The following NELL1 variants were observed in gnomAD, a reference collection of about 807,000 sequenced individuals.
NELL1 encodes protein kinase C-binding protein NELL1.
In NELL1, 76 loss-of-function variants were observed where a neutral mutation model predicts 107.4. The observed-to-expected ratio is 0.71, with a 90% confidence interval of 0.59 to 0.86. NELL1 has a LOEUF of 0.86. NELL1 is among the 40% of genes least tolerant of loss of function. The pLI is 0.00. For synonymous variants in NELL1, 353 were observed against 341.2 expected (o/e 1.03, Z -0.38); for missense variants, 1,024 against 1,005.5 (o/e 1.02, Z -0.25).
In NELL1 at chr11:21,018,039, G is replaced by A. The variant is rs1268138614; in HGVS notation, c.1300+57479G>A. Among the ~76,000 whole-genome samples the A allele has an allele frequency of 2.6e-5, 4 of 152,046 alleles. No homozygotes were observed. In the East Asian group the frequency reaches 5.8e-4, roughly 22 times the overall value. ...GGAGAACTTTCTATCTTTCATCCAC[G>A]CCTCTGAGATCCTAGGCACAATTTG... On this transcript the variant is annotated intron_variant, in intron 12 of 19. Transcript: ENST00000357134.
chr11:20,768,357 G>A (rs1419363476), intron 2 of NELL1, among the ~76,000 whole-genome samples: 1 of 152,196 alleles, frequency 6.6e-6, no homozygotes, highest in Non-Finnish European at 1.5e-5. Context: ...AAGTTTAAAG[G>A]GCACAAGGAT....
chr11:20,925,235 A>G (rs1850467920), intron 7 of NELL1, among the ~76,000 whole-genome samples: 1 of 152,092 alleles, frequency 6.6e-6, no homozygotes, highest in African/African-American at 2.4e-5. Context: ...TAACTTAATT[A>G]TCATAGATTC....
chr11:21,183,206 T>C (rs1856865077), intron 13 of NELL1, among the ~76,000 whole-genome samples: 1 of 151,924 alleles, frequency 6.6e-6, no homozygotes, highest in Non-Finnish European at 1.5e-5. Flanking sequence ...CTTATACGTT[T>C]TTTATGAACA....
chr11:20,813,570 C>G (rs1307422385), intron 3 of NELL1, among the ~76,000 whole-genome samples: 4 of 152,176 alleles, frequency 2.6e-5, no homozygotes, highest in Non-Finnish European at 5.9e-5. Context: ...TAATTTATCT[C>G]TTTCTGAGTA....
intron 3 of NELL1, among the ~76,000 whole-genome samples, chr11:20,835,513 C>A (rs950944798): frequency 6.6e-6 from 1 of 152,048 alleles, no homozygotes; most frequent in Non-Finnish European, 1.5e-5. Flanking sequence ...AAATTGAAAA[C>A]AGTAAAAATA....
intron 15 of NELL1, among the ~76,000 whole-genome samples, chr11:21,484,670 A>C (rs1283897097): frequency 6.6e-6 from 1 of 152,158 alleles, no homozygotes; most frequent in Non-Finnish European, 1.5e-5. Context: ...TTACATATGT[A>C]CATATATGTA....
intron 16 of NELL1, among the ~76,000 whole-genome samples, chr11:21,537,823 G>A (rs1245025014): frequency 6.6e-6 from 1 of 152,100 alleles, no homozygotes; most frequent in Non-Finnish European, 1.5e-5. Context: ...GTTGTGTGGT[G>A]TAGATTGTGG....
chr11:21,002,521 C>A (rs1164306863), intron 12 of NELL1, among the ~76,000 whole-genome samples: 2 of 152,160 alleles, frequency 1.3e-5, no homozygotes, highest in African/African-American at 4.8e-5. Context: ...AGATAGGATA[C>A]TGCAGAGCAA....
intron 14 of NELL1, among the ~76,000 whole-genome samples, chr11:21,290,136 G>A (rs568593224): frequency 2.0e-5 from 3 of 152,210 alleles, no homozygotes; most frequent in South Asian, 2.1e-4. Flanking sequence ...TTGGGAGGCC[G>A]AGGTGGGCGG....
chr11:21,215,261 G>A (rs985185571), intron 13 of NELL1, among the ~76,000 whole-genome samples: 15 of 152,148 alleles, frequency 9.9e-5, no homozygotes, highest in African/African-American at 3.1e-4. Flanking sequence ...AGAAGGACAT[G>A]TTTGCTTCTT....
intron 13 of NELL1, among the ~76,000 whole-genome samples, chr11:21,215,266 CT>C (rs1362497080): frequency 6.6e-6 from 1 of 152,166 alleles, no homozygotes; most frequent in Admixed American, 6.5e-5. Flanking sequence ...GACATGTTTG[CT>C]TCTTCTTCTG....
At chr11:21,066,602 GA>G (rs1468409717) in intron 12 of NELL1, among the ~76,000 whole-genome samples, 3 of 152,094 alleles carry the variant, frequency 2.0e-5, no homozygotes, top group Non-Finnish European at 4.4e-5. Context: ...ATATTTATTA[GA>G]ATGCCTATCT....
At chr11:21,363,595 T>G (rs1447298225) in intron 14 of NELL1, among the ~76,000 whole-genome samples, 1 of 152,190 alleles carries the variant, frequency 6.6e-6, no homozygotes, top group Non-Finnish European at 1.5e-5. Context: ...GGGAGCTACA[T>G]GTTAGCTTTG....
intron 14 of NELL1, among the ~76,000 whole-genome samples, chr11:21,340,723 G>C (rs1850545114): frequency 6.6e-6 from 1 of 151,910 alleles, no homozygotes; most frequent in African/African-American, 2.4e-5. Context: ...AAATATTGGG[G>C]TGATATTTCT....
At chr11:21,395,411 G>A (rs890187373) in intron 15 of NELL1, among the ~76,000 whole-genome samples, 1 of 151,526 alleles carries the variant, frequency 6.6e-6, no homozygotes, top group Non-Finnish European at 1.5e-5. Context: ...AGCAGATTAT[G>A]AAATGATTTT....
chr11:20,883,159 C>T (rs1467740185), intron 4 of NELL1, among the ~76,000 whole-genome samples: 1 of 152,208 alleles, frequency 6.6e-6, no homozygotes, highest in African/African-American at 2.4e-5. Flanking sequence ...TCCGGCAGAG[C>T]TTCCTTGGCA....
intron 12 of NELL1, among the ~76,000 whole-genome samples, chr11:21,056,979 C>A (rs1262463159): frequency 6.7e-6 from 1 of 150,372 alleles, no homozygotes. Context: ...GTAGCAAAAA[C>A]AAAAAAAATG....
chr11:20,875,513 T>C (rs2134093510), intron 4 of NELL1, among the ~76,000 whole-genome samples: 1 of 152,324 alleles, frequency 6.6e-6, no homozygotes, highest in Middle Eastern at 3.4e-3. Context: ...AGACCCTGTC[T>C]CTTTGCATGC....
At chr11:21,199,273 C>T (rs552346450) in intron 13 of NELL1, among the ~76,000 whole-genome samples, 6 of 152,238 alleles carry the variant, frequency 3.9e-5, no homozygotes, top group African/African-American at 4.8e-5. Context: ...TGTAGGTAGA[C>T]TCTGTTAGCA....
Sources: allele counts gnomAD v4.1 joint callset (sites outside exome capture counted in the v4.1 genomes callset), GRCh38; gene constraint gnomAD v4.1.1; transcripts MANE v1.5; gene names NCBI Gene and HGNC (gene_info 2026-07-23, HGNC 2026-07-21).